Variants in AKAP13 observed in about 807,000 individuals in gnomAD.
The protein encoded by AKAP13 is A-kinase anchoring protein 13.
In AKAP13, 80 loss-of-function variants were observed where a neutral mutation model predicts 264.5. The observed-to-expected ratio is 0.30, with a 90% CI of 0.25 to 0.36. The LOEUF is 0.36. Ranked by LOEUF, AKAP13 falls within the 10% of genes least tolerant of loss-of-function variation. The pLI is 1.00. For missense variants in AKAP13, 3,712 were observed against 3,435.2 expected, an observed-to-expected ratio of 1.08 and a Z score of -2.01; for synonymous variants, 1,380 against 1,250.2, an observed-to-expected ratio of 1.10 and a Z score of -2.19.
rs2089351309 is a variant in AKAP13 at position 85,745,773 on chromosome 15, A to T, written c.*1096A>T. ...TCAGGCGAAGGGTGAAGCCATGTGT[A>T]GCAGTTCCTGCCAGTGCAGATCTGG... On this transcript the variant is annotated 3_prime_UTR_variant, in exon 37 of 37. Coordinates refer to ENST00000394518, the MANE Select transcript of AKAP13 (RefSeq NM_007200.5). 6.6e-6 allele frequency: 1 copy of T among 152,312 alleles called. No individual in the cohort carries two copies. Among genetic ancestry groups the T allele is most frequent in the Non-Finnish European group, 1.5e-5 (1 of 68,090 alleles). The allele number at this position is 152,312 out of a possible 1,614,324, so 9.4% of individuals were successfully genotyped here. A position where few individuals can be genotyped will look rare whatever the true frequency, so the allele number is the denominator to read the frequency against.
At chr15:85,548,475 C>G (rs1027252247) in intron 5 of AKAP13, among the ~76,000 whole-genome samples, 4 of 152,144 alleles carry the variant, frequency 2.6e-5, no homozygotes, top group African/African-American at 9.7e-5. Flanking sequence ...TAATAAAAAT[C>G]TAAGCTTGCC....
Position 85,744,868 on chromosome 15 carries a change from ACT to A in AKAP13, c.*194_*195del, listed in dbSNP as rs1033040934. The A allele has an allele frequency of 1.3e-5, 7 of 523,932 alleles. No individual in the cohort carries two copies. The highest frequency in any genetic ancestry group is 2.0e-5 in the African/African-American group (1 of 50,096). 32.5% of individuals were successfully genotyped at this position (523,932 alleles called of 1,614,324 possible). A position where few individuals can be genotyped will look rare whatever the true frequency, so the allele number is the denominator to read the frequency against. On this transcript the variant is annotated 3_prime_UTR_variant, in exon 37 of 37. Coordinates refer to ENST00000394518, the MANE Select transcript of AKAP13 (RefSeq NM_007200.5). ...GTGTCGGGTGGGGAAGGAGGCCCAG[ACT>A]CTGCTTCGGCCATGATTTGTGACTG...
At chr15:85,693,726 TC>T (rs2085416867) in intron 17 of AKAP13, among the ~76,000 whole-genome samples, 1 of 152,240 alleles carries the variant, frequency 6.6e-6, no homozygotes, top group Non-Finnish European at 1.5e-5. Flanking sequence ...CAATACACGT[TC>T]AGTAGAAACT....
At chr15:85,419,935 G>GTTTTTTTTTTTTTTTTTTT (rs11452064) in intron 1 of AKAP13, among the ~76,000 whole-genome samples, 1 of 77,970 alleles carries the variant, frequency 1.3e-5, no homozygotes, top group Non-Finnish European at 2.3e-5. Context: ...TCTGACTCTT[G>GTTTTTTTTTTTTTTTTTTT]TTTTTTTTTT....
rs74025640 is a variant in AKAP13, at chr15:85,616,674, A to T, written c.4162-22700A>T. 9.5e-3 allele frequency among the ~76,000 whole-genome samples: 1,445 copies of T among 152,356 alleles called. 27 individuals are homozygous for T. Among genetic ancestry groups the T allele is most frequent in the African/African-American group, 0.033 (1,377 of 41,574 alleles). On this transcript the variant is annotated intron_variant, in intron 8 of 36. Transcript: ENST00000394518. ...AACCTCCTTTAAATTTGTAACTCTC[A>T]GCTCTGGTTTAGATATGAAATGATT...
At chr15:85,387,861 A>G (rs2070655424) in intron 1 of AKAP13, among the ~76,000 whole-genome samples, 1 of 152,168 alleles carries the variant, frequency 6.6e-6, no homozygotes, top group Non-Finnish European at 1.5e-5. Context: ...CATTGCTGGT[A>G]TATAGAAAGA....
At chr15:85,633,133 T>C (rs1324506210) in intron 8 of AKAP13, among the ~76,000 whole-genome samples, 1 of 152,206 alleles carries the variant, frequency 6.6e-6, no homozygotes, top group Non-Finnish European at 1.5e-5. Context: ...CCCAAAGTGC[T>C]GGGATTACAG....
In AKAP13 at chr15:85,563,346, TTTTTTTTTA is replaced by T. The variant is rs1267200319; in HGVS notation, c.663-11784_663-11776del. The stretch of plus-strand genomic sequence containing the variant: ...ATGTGCTTGTTTTTTTTTTTTTTTT[TTTTTTTTTA>T]AAGACGGAGAATGAGAATTTGGGCT... On this transcript the variant is annotated intron_variant, in intron 5 of 36. Transcript: ENST00000394518. 6.8e-3 allele frequency among the ~76,000 whole-genome samples: 956 copies of T among 140,374 alleles called. 18 individuals are homozygous for T. Among genetic ancestry groups the T allele is most frequent in the African/African-American group, 0.021 (760 of 35,544 alleles). 92.1% of individuals were successfully genotyped at this position (140,374 alleles called of 152,430 possible). A position where few individuals can be genotyped will look rare whatever the true frequency, so the allele number is the denominator to read the frequency against.
At position 85,631,061 on chromosome 15, in the gene AKAP13, G is replaced by A. The variant is rs568310741; in HGVS notation, c.4162-8313G>A. Among the ~76,000 whole-genome samples the A allele has an allele frequency of 6.6e-5, 10 of 151,822 alleles. No individual in the cohort carries two copies. The South Asian group carries it at 2.1e-3, about 32-fold the overall frequency. ...TGATGCATATAGATAAGTAAAATGTGGATATATCCATACAGTAGAATATTA... is the reference window on the plus strand; with the variant it reads ...TGATGCATATAGATAAGTAAAATGTAGATATATCCATACAGTAGAATATTA... On this transcript the variant is annotated intron_variant, in intron 8 of 36. Coordinates refer to ENST00000394518, the MANE Select transcript of AKAP13 (RefSeq NM_007200.5).
chr15:85,504,694 CAAAAAA>C (rs60149423), intron 2 of AKAP13, among the ~76,000 whole-genome samples: 1 of 105,744 alleles, frequency 9.5e-6, no homozygotes, highest in African/African-American at 4.7e-5. Flanking sequence ...ACCCTGTCTC[CAAAAAA>C]AAAAAAAAAA....
At chr15:85,617,919 A>C (rs1430444496) in intron 8 of AKAP13, among the ~76,000 whole-genome samples, 1 of 152,204 alleles carries the variant, frequency 6.6e-6, no homozygotes, top group African/African-American at 2.4e-5. Context: ...AATCTCTGTC[A>C]AATCGTCTTG....
chr15:85,650,775 AAAAAAAAAAAAAAAACAAC>A (rs2082782263), intron 10 of AKAP13, among the ~76,000 whole-genome samples: 3 of 143,414 alleles, frequency 2.1e-5, no homozygotes, highest in Non-Finnish European at 4.5e-5. Flanking sequence ...AAAAAAAAAA[AAAAAAAAAAAAAAAACAAC>A]AAAAACTGCA....
At chr15:85,453,033 G>A (rs2074147189) in intron 1 of AKAP13, among the ~76,000 whole-genome samples, 1 of 152,214 alleles carries the variant, frequency 6.6e-6, no homozygotes, top group African/African-American at 2.4e-5. Flanking sequence ...CCCAAGCCAG[G>A]GGTTGGTTCC....
At chr15:85,511,975 C>T (rs1343705302) in intron 2 of AKAP13, among the ~76,000 whole-genome samples, 2 of 151,958 alleles carry the variant, frequency 1.3e-5, no homozygotes, top group Non-Finnish European at 2.9e-5. Flanking sequence ...AGAAATCTTT[C>T]TGGAATATTT....
chr15:85,580,532 A>G lies in AKAP13; in HGVS notation c.2464A>G (p.Thr822Ala), dbSNP rs762573051. ...GTATPELHTA[T>A]DYRDGPDGNS... is the part of the protein sequence containing the mutation. Reference sequence around the variant, plus strand: ...AGCAACTCCTGAACTACATACAGCTACAGATTATAGAGATGGCCCAGATGG... The same window carrying G: ...AGCAACTCCTGAACTACATACAGCTGCAGATTATAGAGATGGCCCAGATGG... The change falls in exon 7 of 37, where the codon ACA (threonine) becomes GCA (alanine). Residue 822 changes from threonine to alanine, a missense_variant. By Grantham distance (58) the Thr-to-Ala change is moderately conservative. Coordinates refer to ENST00000394518, the MANE Select transcript of AKAP13 (RefSeq NM_007200.5). The G allele has an allele frequency of 6.2e-7, 1 of 1,614,202 alleles. No homozygotes were observed. Among genetic ancestry groups the G allele is most frequent in the Non-Finnish European group, 8.5e-7 (1 of 1,180,038 alleles).
chr15:85,743,535 TC>T lies in AKAP13; in HGVS notation c.8106del (p.Ser2703ValfsTer13). The T allele has an allele frequency of 6.2e-7, 1 of 1,614,140 alleles. No homozygotes were observed. Among genetic ancestry groups the T allele is most frequent in the Non-Finnish European group, 8.5e-7 (1 of 1,180,008 alleles). On this transcript the variant is annotated frameshift_variant, in exon 36 of 37. Coordinates refer to ENST00000394518, the MANE Select transcript of AKAP13 (RefSeq NM_007200.5). LOFTEE classifies it high-confidence loss of function. ...AAGCTGATGAGGATCCCATCGTTCT[TC>T]CCCAGTCCTGAGGAGCCCCCCTCGC... ...HTKLMRIPSF[F>X]PSPEEPPSPS... is the part of the protein sequence containing the mutation.
At chr15:85,401,583 A>G (rs898902784) in intron 1 of AKAP13, among the ~76,000 whole-genome samples, 2 of 152,210 alleles carry the variant, frequency 1.3e-5, no homozygotes, top group African/African-American at 2.4e-5. Flanking sequence ...CTGTTTACCA[A>G]AGAAGCTAGT....
intron 8 of AKAP13, among the ~76,000 whole-genome samples, chr15:85,638,131 G>A (rs1181796344): frequency 5.3e-5 from 8 of 151,856 alleles, no homozygotes; most frequent in African/African-American, 1.2e-4. Context: ...TGATCCGCCC[G>A]CCTCAGCCTC....
intron 6 of AKAP13, chr15:85,577,647 T>C (rs1316557423): frequency 1.9e-5 from 5 of 263,318 alleles, no homozygotes; most frequent in Non-Finnish European, 2.9e-5. Flanking sequence ...TTAAATACTT[T>C]AAAGTTGCAA....
Sources: allele counts gnomAD v4.1 joint callset (sites outside exome capture counted in the v4.1 genomes callset), GRCh38; gene constraint gnomAD v4.1.1; transcripts MANE v1.5; gene names NCBI Gene and HGNC (gene_info 2026-07-23, HGNC 2026-07-21).